Variants in TNS3 observed in about 807,000 individuals in gnomAD.
TNS3 encodes the protein tensin-3.
A neutral mutation model predicts 140.9 loss-of-function variants in TNS3; 45 were observed. That is an observed-to-expected ratio of 0.32 (90% CI 0.25 to 0.41). TNS3 has a LOEUF of 0.41. TNS3 is among the 10% of genes least tolerant of loss of function. The pLI is 1.00. For missense variants in TNS3, 1,716 were observed against 1,906.7 expected (o/e 0.90, Z 1.86); for synonymous variants, 815 against 788.4 (o/e 1.03, Z -0.56).
chr7:47,556,426 C>A (rs910373202), intron 1 of TNS3, among the ~76,000 whole-genome samples: 4 of 152,174 alleles, frequency 2.6e-5, no homozygotes, highest in African/African-American at 4.8e-5. Context: ...TCTGCACCCC[C>A]ATGAATGTGG....
At chr7:47,444,511 C>T (rs1437732050) in intron 4 of TNS3, among the ~76,000 whole-genome samples, 1 of 152,200 alleles carries the variant, frequency 6.6e-6, no homozygotes, top group East Asian at 1.9e-4. Flanking sequence ...TGCTCACTGC[C>T]GGCACCAACG....
At chr7:47,449,936 GCAAGAAAA>G (rs1338213059) in intron 4 of TNS3, among the ~76,000 whole-genome samples, 1 of 152,126 alleles carries the variant, frequency 6.6e-6, no homozygotes, top group Non-Finnish European at 1.5e-5. Flanking sequence ...GACCACAACT[GCAAGAAAA>G]CAACTAACTG....
intron 1 of TNS3, among the ~76,000 whole-genome samples, chr7:47,571,876 G>C (rs371147044): frequency 6.6e-6 from 1 of 152,226 alleles, no homozygotes; most frequent in South Asian, 2.1e-4. Flanking sequence ...CCCGTGCGTG[G>C]TGTCCCAGGG....
chr7:47,530,838 A>AAAAAAAAAAAAAAAATATATAT, intron 1 of TNS3, among the ~76,000 whole-genome samples: 2 of 54,564 alleles, frequency 3.7e-5, no homozygotes, highest in East Asian at 9.8e-4. Flanking sequence ...AAAAAAAAAA[A>AAAAAAAAAAAAAAAATATATAT]ATATATATAT....
chr7:47,340,585 C>CTTTTTTTTTTTCT (rs1788948783), intron 20 of TNS3, among the ~76,000 whole-genome samples: 1 of 134,854 alleles, frequency 7.4e-6, no homozygotes, highest in Non-Finnish European at 1.6e-5. Context: ...TCTTTTTTTT[C>CTTTTTTTTTTTCT]TTTTTTTTTT....
chr7:47,577,158 G>GTAATC (rs1180072411), intron 1 of TNS3, among the ~76,000 whole-genome samples: 1 of 152,232 alleles, frequency 6.6e-6, no homozygotes, highest in East Asian at 1.9e-4. Flanking sequence ...AGTGGCACTT[G>GTAATC]TAATCGTCAG....
At chr7:47,470,947 T>G (rs1386409075) in intron 4 of TNS3, among the ~76,000 whole-genome samples, 3 of 149,976 alleles carry the variant, frequency 2.0e-5, no homozygotes, top group Non-Finnish European at 1.5e-5. Context: ...TGTTTTGTTT[T>G]TTGTTTTTTT....
chr7:47,322,743 G>A (rs188454856), intron 20 of TNS3, among the ~76,000 whole-genome samples: 2 of 152,284 alleles, frequency 1.3e-5, no homozygotes, highest in African/African-American at 4.8e-5. Context: ...CAGTGCTCAA[G>A]CTGGAAGGAC....
intron 4 of TNS3, among the ~76,000 whole-genome samples, chr7:47,467,702 T>C (rs1180388711): frequency 1.3e-5 from 2 of 152,102 alleles, no homozygotes; most frequent in Admixed American, 6.6e-5. Context: ...TTCTCTAAAA[T>C]AGGACTATTG....
chr7:47,425,578 C>G (rs1431178123), intron 9 of TNS3, among the ~76,000 whole-genome samples: 1 of 152,180 alleles, frequency 6.6e-6, no homozygotes, highest in Admixed American at 6.5e-5. Context: ...CAGTCACACA[C>G]AGAAGGGCCC....
chr7:47,457,113 G>C (rs1170858844), intron 4 of TNS3, among the ~76,000 whole-genome samples: 1 of 35,940 alleles, frequency 2.8e-5, no homozygotes. Context: ...TGGTAAAGGG[G>C]AGGGGAGGGG....
chr7:47,318,058 C>T (rs112303443), intron 20 of TNS3, among the ~76,000 whole-genome samples: 2,359 of 152,288 alleles, frequency 0.015, 47 homozygotes, highest in African/African-American at 0.054. Flanking sequence ...TATAATCTTA[C>T]AAAACTATAA....
intron 4 of TNS3, among the ~76,000 whole-genome samples, chr7:47,456,955 C>A (rs1210770273): frequency 6.6e-6 from 1 of 151,746 alleles, no homozygotes; most frequent in African/African-American, 2.4e-5. Flanking sequence ...CAAGGACTCC[C>A]ATTGTGTAGG....
intron 8 of TNS3, among the ~76,000 whole-genome samples, chr7:47,429,592 C>A (rs1484483882): frequency 2.6e-5 from 4 of 152,218 alleles, no homozygotes; most frequent in Admixed American, 2.6e-4. Flanking sequence ...TGGTCTCGAT[C>A]TCCTGACCTT....
intron 8 of TNS3, among the ~76,000 whole-genome samples, chr7:47,432,507 CTGTTA>C (rs1325738285): frequency 2.0e-5 from 3 of 152,220 alleles, no homozygotes; most frequent in Non-Finnish European, 2.9e-5. Context: ...TTCACATATT[CTGTTA>C]TAAGTAACAG....
intron 2 of TNS3, among the ~76,000 whole-genome samples, chr7:47,512,779 A>G (rs1231763772): frequency 2.0e-5 from 3 of 152,244 alleles, no homozygotes; most frequent in African/African-American, 7.2e-5. Flanking sequence ...AGATGCATCA[A>G]TCATAGAACT....
At chr7:47,396,423 A>G (rs1266799760) in intron 16 of TNS3, among the ~76,000 whole-genome samples, 1 of 152,236 alleles carries the variant, frequency 6.6e-6, no homozygotes, top group Admixed American at 6.5e-5. Flanking sequence ...GGGCCGTACA[A>G]CAGTAGCTAG....
chr7:47,359,164 A>AAT (rs1554300529), intron 17 of TNS3, among the ~76,000 whole-genome samples: 1 of 152,228 alleles, frequency 6.6e-6, no homozygotes, highest in Non-Finnish European at 1.5e-5. Flanking sequence ...GAGAGGAATG[A>AAT]ATAAACAAAC....
chr7:47,476,189 G>A (rs562255550), intron 4 of TNS3, among the ~76,000 whole-genome samples: 14 of 152,250 alleles, frequency 9.2e-5, no homozygotes, highest in South Asian at 2.1e-4. Context: ...AGCTGGTGGC[G>A]TCCTCATTTT....
Sources: allele counts gnomAD v4.1 joint callset (sites outside exome capture counted in the v4.1 genomes callset), GRCh38; gene constraint gnomAD v4.1.1; transcripts MANE v1.5; gene names NCBI Gene and HGNC (gene_info 2026-07-23, HGNC 2026-07-21).